The following TSEN54 variants were observed in gnomAD, a reference collection of about 807,000 sequenced individuals.
The protein encoded by TSEN54 is tRNA splicing endonuclease subunit 54.
Under a neutral mutation model 61.9 loss-of-function variants are expected in TSEN54, and 55 were observed. The observed-to-expected ratio is 0.89, with a 90% CI of 0.72 to 1.11. The LOEUF (loss-of-function observed/expected upper bound fraction) is 1.11. TSEN54 is among the 50% of genes most tolerant of loss of function. The probability of loss-of-function intolerance (pLI) is 0.00; values close to 1 mark genes in which losing one functional copy is unlikely to be tolerated. For synonymous variants in TSEN54, 304 were observed against 288.7 expected (o/e 1.05, Z -0.54); for missense variants, 760 against 687.7 (o/e 1.11, Z -1.18).
chr17:75,522,069 C>T lies in TSEN54; in HGVS notation c.988C>T (p.Arg330Trp), dbSNP rs748429211. 32 of 1,587,230 alleles carry T rather than the reference C, an allele frequency of 2.0e-5. 1 individual carries two copies. The South Asian group carries it at 2.9e-4, about 14-fold the overall frequency. Reference protein sequence around the residue: ...PELLPANVAGRETDAESWCQK... With the variant: ...PELLPANVAGWETDAESWCQK... ...GCTGCTCCCGGCCAACGTGGCTGGG[C>T]GGGAGACAGACGCTGAGTCCTGGTG... Residue 330 changes from arginine to tryptophan, a missense_variant, in exon 8 of 11, where the codon CGG becomes TGG. This residue lies in a region of TSEN54 where 667 missense variants were observed against 577.8 expected (regional missense o/e 1.15). Transcript: ENST00000333213.
At position 75,524,712 on chromosome 17, in the gene TSEN54, G is replaced by A; in HGVS notation, c.*300G>A. 2 of 480,386 alleles carry A rather than the reference G, an allele frequency of 4.2e-6. No homozygotes were observed. The highest frequency in any genetic ancestry group is 2.0e-5 in the South Asian group (1 of 49,458). 29.8% of individuals were successfully genotyped at this position (480,386 alleles called of 1,614,324 possible). A position where few individuals can be genotyped will look rare whatever the true frequency, so the allele number is the denominator to read the frequency against. On this transcript the variant is annotated 3_prime_UTR_variant, in exon 11 of 11. Transcript: ENST00000333213. ...GCCTGCTTCGTGCTATAAAGCCAAA[G>A]CCATTAAAAATAGATTTCTTTTCTG...
In TSEN54 at chr17:75,524,559, A is replaced by G. The variant is rs1178367538; in HGVS notation, c.*147A>G. 7 of 974,896 alleles carry G rather than the reference A, an allele frequency of 7.2e-6. No homozygotes were observed. The highest frequency in any genetic ancestry group is 8.0e-6 in the Non-Finnish European group (5 of 622,034). 60.4% of individuals were successfully genotyped at this position (974,896 alleles called of 1,614,324 possible). Reference sequence around the variant, plus strand: ...CCTTGGCCCTGGGTGTCTGATACTCACAGAGTGAAACTGTGACCCTCTCCC... The same window carrying G: ...CCTTGGCCCTGGGTGTCTGATACTCGCAGAGTGAAACTGTGACCCTCTCCC... On this transcript the variant is annotated 3_prime_UTR_variant, in exon 11 of 11. Coordinates refer to ENST00000333213, the MANE Select transcript of TSEN54 (RefSeq NM_207346.3).
Position 75,521,888 on chromosome 17 carries a change from C to G in TSEN54, c.807C>G (p.Gly269=), listed in dbSNP as rs750822760. ...QLLGSLGPSP[G]PAREGVGCSW... is the part of the protein sequence containing the mutation. ...TGGGGTCCCTGGGCCCCAGCCCTGG[C>G]CCGGCCAGGGAGGGGGTGGGGTGCA... The change falls in exon 8 of 11, where the codon GGC becomes GGG. Residue 269 remains glycine (G), a synonymous_variant. Transcript: ENST00000333213. 1 of 1,609,812 alleles carries G rather than the reference C, an allele frequency of 6.2e-7. No homozygotes were observed. The highest frequency in any genetic ancestry group is 1.7e-5 in the Admixed American group (1 of 59,550).
intron 8 of TSEN54, chr17:75,522,588 A>C: frequency 7.3e-7 from 1 of 1,376,130 alleles, no homozygotes; most frequent in African/African-American, 1.5e-5. Context: ...AACAACATGC[A>C]TGTGGATGGC....
intron 6 of TSEN54, 50 bp from the exon 7 acceptor site, chr17:75,521,359 C>G (rs752548109): frequency 6.7e-7 from 1 of 1,488,000 alleles, no homozygotes; most frequent in African/African-American, 1.4e-5. Context: ...CACCAGATCC[C>G]CAGGCTGAGG....
chr17:75,523,068 A>T (rs772309960), intron 8 of TSEN54: 25 of 613,738 alleles, frequency 4.1e-5, no homozygotes, highest in African/African-American at 5.5e-5. Context: ...AATCCCAGCT[A>T]CTCAGGAGGC....
At chr17:75,519,574 T>C (rs1463535401) in intron 6 of TSEN54, among the ~76,000 whole-genome samples, 4 of 152,194 alleles carry the variant, frequency 2.6e-5, no homozygotes, top group African/African-American at 9.7e-5. Context: ...TCTTTTCTTT[T>C]CTTTTTGAGA....
chr17:75,521,670 G>A (rs758557664), intron 7 of TSEN54, 35 bp from the exon 8 acceptor site: 3 of 1,609,168 alleles, frequency 1.9e-6, no homozygotes, highest in Non-Finnish European at 1.7e-6. Flanking sequence ...TAGCAACCAG[G>A]GGCAGATGTG....
At position 75,516,574 on chromosome 17, in the gene TSEN54, C is replaced by T. The variant is rs1179147324; in HGVS notation, c.14C>T (p.Pro5Leu). 5 of 1,152,796 alleles carry T rather than the reference C, an allele frequency of 4.3e-6. No homozygotes were observed. The highest frequency in any genetic ancestry group is 4.2e-5 in the South Asian group (1 of 23,680). The allele number at this position is 1,152,796 out of a possible 1,614,324, so 71.4% of individuals were successfully genotyped here. A position where few individuals can be genotyped will look rare whatever the true frequency, so the allele number is the denominator to read the frequency against. ...GGCGGCGGCGGGATGGAGCCCGAGC[C>T]CGAGCCCGCGGCCGTGGAGGTTCCC... Reference protein sequence around the residue: MEPEPEPAAVEVPAG... With the variant: MEPELEPAAVEVPAG... Residue 5 changes from proline to leucine, a missense_variant, in exon 1 of 11, where the codon CCC (proline) becomes CTC (leucine). By Grantham distance (98) the Pro-to-Leu change is moderately conservative. Around this residue, in one of 3 missense-constraint regions of TSEN54, gnomAD observed 667 missense variants for 577.8 expected, o/e 1.15. Coordinates refer to ENST00000333213, the MANE Select transcript of TSEN54 (RefSeq NM_207346.3).
At position 75,524,233 on chromosome 17, in the gene TSEN54, G is replaced by T. The variant is rs200564985; in HGVS notation, c.1431-29G>T. On this transcript the variant is annotated intron_variant, in intron 10 of 10. Transcript: ENST00000333213. ...AGAGCTTAGGAGTGGGCTATGGCTG[G>T]GTCTCACTCTAACCCTTTGTCCCTG... is the stretch of plus-strand genomic sequence containing the variant. 7.6e-4 allele frequency: 1,220 copies of T among 1,613,946 alleles called. 4 individuals carry two copies. Among genetic ancestry groups the T allele is most frequent in the Admixed American group, 1.1e-3 (69 of 60,010 alleles).
chr17:75,521,667 C>G (rs763901956), intron 7 of TSEN54, 38 bp from the exon 8 acceptor site: 15 of 1,606,262 alleles, frequency 9.3e-6, no homozygotes, highest in Non-Finnish European at 1.3e-5. Context: ...CCTTAGCAAC[C>G]AGGGGCAGAT....
chr17:75,519,984 A>G (rs2053410735), intron 6 of TSEN54, among the ~76,000 whole-genome samples: 1 of 152,340 alleles, frequency 6.6e-6, no homozygotes, highest in East Asian at 1.9e-4. Context: ...GCTGGGGGTC[A>G]GGCCCTGTAC....
At position 75,523,658 on chromosome 17, in the gene TSEN54, G is replaced by A. The variant is rs745357381; in HGVS notation, c.1314-5G>A. 3.1e-6 allele frequency: 5 copies of A among 1,614,096 alleles called. No homozygotes were observed. The highest frequency in any genetic ancestry group is 4.2e-6 in the Non-Finnish European group (5 of 1,180,042). On this transcript the variant is annotated splice_region_variant and splice_polypyrimidine_tract_variant and intron_variant, in intron 9 of 10. Transcript: ENST00000333213. ...ATGTCATAACGTTTCTCATTGTATT[G>A]TCAGGCTGTTGGAGAAGTCTGGGGG...
In TSEN54 at chr17:75,522,069, CG is replaced by C. The variant is rs1598477502; in HGVS notation, c.991del (p.Glu331ArgfsTer11). On this transcript the variant is annotated frameshift_variant, in exon 8 of 11. Transcript: ENST00000333213. LOFTEE classifies it high-confidence loss of function. ...PELLPANVAG[R>X]ETDAESWCQK... ...GCTGCTCCCGGCCAACGTGGCTGGG[CG>C]GGAGACAGACGCTGAGTCCTGGTGC... 6.3e-7 allele frequency: 1 copy of C among 1,587,350 alleles called. No individual in the cohort carries two copies. Among genetic ancestry groups the C allele is most frequent in the Non-Finnish European group, 8.6e-7 (1 of 1,167,412 alleles).
In TSEN54 at chr17:75,523,276, C is replaced by CGTGGTCCTT; in HGVS notation, c.1255_1263dup (p.Val419_Leu421dup). 11 of 1,614,122 alleles carry CGTGGTCCTT rather than the reference C, an allele frequency of 6.8e-6. No homozygotes were observed. The highest frequency in any genetic ancestry group is 9.3e-6 in the Non-Finnish European group (11 of 1,180,014). On this transcript the variant is annotated inframe_insertion and splice_region_variant, in exon 9 of 11. Transcript: ENST00000333213. The stretch of plus-strand genomic sequence containing the variant: ...ACCTTGTTTTCTGTGTCCTTGTAGC[C>CGTGGTCCTT]GTGGTCCTTCAGCATATCTCTGTGC...
chr17:75,521,905 T>C lies in TSEN54; in HGVS notation c.824T>C (p.Val275Ala). 6.2e-7 allele frequency: 1 copy of C among 1,606,402 alleles called. No homozygotes were observed. The highest frequency in any genetic ancestry group is 1.7e-5 in the Admixed American group (1 of 59,334). ...GPSPGPAREG[V>A]GCSWESGRAE... ...AGCCCTGGCCCGGCCAGGGAGGGGGTGGGGTGCAGCTGGGAGAGTGGCAGA... is the reference window on the plus strand; with the variant it reads ...AGCCCTGGCCCGGCCAGGGAGGGGGCGGGGTGCAGCTGGGAGAGTGGCAGA... The change falls in exon 8 of 11, where the codon GTG (valine) becomes GCG (alanine). Residue 275 changes from valine to alanine, a missense_variant. Around this residue, in one of 3 missense-constraint regions of TSEN54, gnomAD observed 667 missense variants for 577.8 expected, o/e 1.15. Coordinates refer to ENST00000333213, the MANE Select transcript of TSEN54 (RefSeq NM_207346.3).
At position 75,521,755 on chromosome 17, in the gene TSEN54, GTC is replaced by G; in HGVS notation, c.676_677del (p.Leu226GlyfsTer67). On this transcript the variant is annotated frameshift_variant, in exon 8 of 11. Transcript: ENST00000333213. LOFTEE classifies it high-confidence loss of function. ...CTGGACAACTCCCTGCAACCCAAGA[GTC>G]TGGCAGCCTCCAGCCCACCTCCCTG... 1 of 1,612,998 alleles carries G rather than the reference GTC, an allele frequency of 6.2e-7. No homozygotes were observed. The highest frequency in any genetic ancestry group is 1.7e-5 in the Admixed American group (1 of 60,010).
chr17:75,516,994 C>G lies in TSEN54; in HGVS notation c.222-15C>G. On this transcript the variant is annotated splice_polypyrimidine_tract_variant and intron_variant, in intron 2 of 10. Coordinates refer to ENST00000333213, the MANE Select transcript of TSEN54 (RefSeq NM_207346.3). ...CGGAATGGACTGACGCAGACCCCTC[C>G]CCACTCCTCGCCAGGGGCAGCTTGG... 1 of 1,572,710 alleles carries G rather than the reference C, an allele frequency of 6.4e-7. No individual in the cohort carries two copies. Among genetic ancestry groups the G allele is most frequent in the Non-Finnish European group, 8.6e-7 (1 of 1,159,704 alleles).
In TSEN54 at chr17:75,517,183, G is replaced by T; in HGVS notation, c.308G>T (p.Gly103Val). Reference sequence around the variant, plus strand: ...CAGGGCAAATTCTGGCAGACCATGGGCTTCTCAGAGCAGGGCCGGCAGCGC... The same window carrying T: ...CAGGGCAAATTCTGGCAGACCATGGTCTTCTCAGAGCAGGGCCGGCAGCGC... ...SPAGKFWQTM[G>V]FSEQGRQRLH... The change falls in exon 4 of 11, where the codon GGC becomes GTC. Residue 103 changes from glycine to valine, a missense_variant. Physicochemically the swap from Gly to Val is moderately radical, Grantham distance 109. Transcript: ENST00000333213. The T allele has an allele frequency of 1.2e-6, 2 of 1,607,040 alleles. No individual in the cohort carries two copies. Among genetic ancestry groups the T allele is most frequent in the Non-Finnish European group, 1.7e-6 (2 of 1,176,992 alleles).
Sources: allele counts gnomAD v4.1 joint callset (sites outside exome capture counted in the v4.1 genomes callset), GRCh38; gene constraint gnomAD v4.1.1; regional missense constraint gnomAD v4.1.1; transcripts MANE v1.5; gene names NCBI Gene and HGNC (gene_info 2026-07-23, HGNC 2026-07-21).